Variants in RARB observed in about 807,000 individuals in gnomAD.
The protein encoded by RARB is HBV-activated protein.
A neutral mutation model predicts 51.9 loss-of-function variants in RARB; 17 were observed. The ratio of observed to expected loss-of-function variants is 0.33; its 90% CI spans 0.22 to 0.49. RARB has a LOEUF of 0.49. RARB is among the 20% of genes least tolerant of loss of function. RARB has a pLI of 0.99. For synonymous variants in RARB, 215 were observed against 195.4 expected, an observed-to-expected ratio of 1.10 and a Z score of -0.84; for missense variants, 369 against 550.8, an observed-to-expected ratio of 0.67 and a Z score of 3.30.
chr3:25,266,832 G>C (rs897132625), intron 5 of RARB, among the ~76,000 whole-genome samples: 1 of 152,204 alleles, frequency 6.6e-6, no homozygotes, highest in Non-Finnish European at 1.5e-5. Context: ...CTGCAAGCCA[G>C]GAGAAGAGCC....
At position 25,570,263 on chromosome 3, in the gene RARB, T is replaced by C. The variant is rs77752128; in HGVS notation, c.609+345T>C. Among the ~76,000 whole-genome samples, 40 of 152,350 alleles carry C rather than the reference T, an allele frequency of 2.6e-4. No individual in the cohort carries two copies. The East Asian group carries it at 5.8e-3, about 22-fold the overall frequency. ...AGTGCTGCTCTCAGAGACTTTGATCTGGTGAAGGAAACAAGTAAAGCCAGT... is the reference window on the plus strand; with the variant it reads ...AGTGCTGCTCTCAGAGACTTTGATCCGGTGAAGGAAACAAGTAAAGCCAGT... On this transcript the variant is annotated intron_variant, in intron 4 of 7. Transcript: ENST00000330688.
At chr3:25,550,016 C>G (rs1699782625) in intron 3 of RARB, among the ~76,000 whole-genome samples, 1 of 152,112 alleles carries the variant, frequency 6.6e-6, no homozygotes, top group African/African-American at 2.4e-5. Context: ...CTGATGGTCT[C>G]TATTCAGGAT....
chr3:25,045,499 G>C (rs1425893988), intron 2 of RARB, among the ~76,000 whole-genome samples: 1 of 152,172 alleles, frequency 6.6e-6, no homozygotes, highest in African/African-American at 2.4e-5. Flanking sequence ...GGAGTGTCCT[G>C]TTTCTGTGTG....
chr3:25,316,550 C>A (rs747044596), intron 5 of RARB, among the ~76,000 whole-genome samples: 1 of 151,978 alleles, frequency 6.6e-6, no homozygotes, highest in Non-Finnish European at 1.5e-5. Flanking sequence ...AAAGCCAGGA[C>A]GATACCGATG....
At chr3:25,510,844 A>G (rs1434464750) in intron 3 of RARB, among the ~76,000 whole-genome samples, 2 of 152,232 alleles carry the variant, frequency 1.3e-5, no homozygotes, top group African/African-American at 4.8e-5. Context: ...TTTGATGCCA[A>G]TACAGCCTTA....
At chr3:25,506,116 G>A (rs1370899738) in intron 3 of RARB, among the ~76,000 whole-genome samples, 2 of 152,036 alleles carry the variant, frequency 1.3e-5, no homozygotes, top group African/African-American at 4.8e-5. Context: ...CTTCAGGCAT[G>A]GTAGCGCGCT....
chr3:25,593,397 C>A, intron 5 of RARB, 106 bp from the exon 6 acceptor site: 1 of 1,032,782 alleles, frequency 9.7e-7, no homozygotes, highest in Non-Finnish European at 1.4e-6. Context: ...GGACAGACTG[C>A]CCCAAGAGCT....
chr3:25,110,306 G>A (rs1431243281), intron 3 of RARB, among the ~76,000 whole-genome samples: 2 of 152,138 alleles, frequency 1.3e-5, no homozygotes, highest in African/African-American at 2.4e-5. Flanking sequence ...ACAGCATTCT[G>A]TACTTTTCTA....
chr3:25,260,710 A>C (rs1702978054), intron 5 of RARB, among the ~76,000 whole-genome samples: 1 of 152,138 alleles, frequency 6.6e-6, no homozygotes, highest in Non-Finnish European at 1.5e-5. Context: ...TGTTCAGTTG[A>C]AGATTAACTT....
intron 4 of RARB, among the ~76,000 whole-genome samples, chr3:25,151,019 G>A (rs1228895456): frequency 1.3e-5 from 2 of 152,180 alleles, no homozygotes; most frequent in African/African-American, 4.8e-5. Context: ...TGGGCAGTTG[G>A]CTCAGTGGCT....
chr3:25,423,243 G>T (rs942420377), intron 5 of RARB, among the ~76,000 whole-genome samples: 1 of 152,196 alleles, frequency 6.6e-6, no homozygotes, highest in South Asian at 2.1e-4. Flanking sequence ...TCCAGCAGAC[G>T]TATTGGTGCA....
intron 2 of RARB, among the ~76,000 whole-genome samples, chr3:25,029,419 C>CT (rs1391152976): frequency 9.9e-5 from 15 of 152,178 alleles, no homozygotes; most frequent in Non-Finnish European, 2.2e-4. Context: ...GTGAATTGGT[C>CT]TTGAACTTGG....
intron 2 of RARB, among the ~76,000 whole-genome samples, chr3:24,887,232 C>T (rs528283808): frequency 2.9e-4 from 44 of 152,148 alleles, no homozygotes; most frequent in African/African-American, 8.0e-4. Flanking sequence ...ACTTTCAAGG[C>T]GGCGGGGTGG....
chr3:24,831,182 G>C (rs2125325807), intron 1 of RARB, among the ~76,000 whole-genome samples: 1 of 152,314 alleles, frequency 6.6e-6, no homozygotes, highest in South Asian at 2.1e-4. Context: ...TAAATGGCTT[G>C]TGTAACTGCT....
chr3:25,146,256 T>G (rs943998335), intron 4 of RARB, among the ~76,000 whole-genome samples: 9 of 152,234 alleles, frequency 5.9e-5, no homozygotes, highest in African/African-American at 2.2e-4. Flanking sequence ...TTGATCTAAA[T>G]GTTCAATTAG....
chr3:24,868,294 G>T lies in RARB; in HGVS notation c.-380+9542G>T, dbSNP rs76897961. ...ATGTAATACACAACAAGAATAGAAGGCACCTCAGAAACACACTTGTACAAA... is the reference window on the plus strand; with the variant it reads ...ATGTAATACACAACAAGAATAGAAGTCACCTCAGAAACACACTTGTACAAA... On this transcript the variant is annotated intron_variant, in intron 2 of 11. Coordinates refer to the RARB transcript ENST00000383772. Among the ~76,000 whole-genome samples, 16 of 152,122 alleles carry T rather than the reference G, an allele frequency of 1.1e-4. 1 individual carries two copies. Among genetic ancestry groups the T allele is most frequent in the South Asian group, 6.2e-4 (3 of 4,826 alleles).
intron 5 of RARB, among the ~76,000 whole-genome samples, chr3:25,264,382 C>T (rs539741707): frequency 5.9e-4 from 90 of 152,060 alleles, no homozygotes; most frequent in African/African-American, 2.1e-3. Flanking sequence ...TTATATAAGG[C>T]AAAGGCTAAG....
chr3:25,302,232 G>A (rs73049732), intron 5 of RARB, among the ~76,000 whole-genome samples: 2 of 152,048 alleles, frequency 1.3e-5, no homozygotes, highest in Non-Finnish European at 2.9e-5. Context: ...TTCTCAAAAG[G>A]TTAAACAAAG....
At chr3:25,192,257 G>A (rs1232281466) in intron 5 of RARB, among the ~76,000 whole-genome samples, 2 of 152,072 alleles carry the variant, frequency 1.3e-5, no homozygotes, top group African/African-American at 2.4e-5. Flanking sequence ...GTAGCCTCTT[G>A]AGGCATCTCA....
Sources: gnomAD v4.1 joint callset for allele counts (sites outside exome capture counted in the v4.1 genomes callset) on GRCh38, gnomAD v4.1.1 for gene constraint, MANE v1.5 for transcripts, NCBI Gene and HGNC (gene_info 2026-07-23, HGNC 2026-07-21) for gene names.